Variants in ST8SIA6 observed in about 807,000 individuals in gnomAD.
The protein encoded by ST8SIA6 is ST8 alpha-N-acetyl-neuraminide alpha-2,8-sialyltransferase 6.
ST8SIA6 carries 39 observed loss-of-function variants against 33.6 expected under a neutral mutation model. The ratio of observed to expected loss-of-function variants is 1.16; its 90% CI spans 0.90 to 1.52. The LOEUF (loss-of-function observed/expected upper bound fraction) is 1.52, where lower values mean the gene tolerates loss of function less well. ST8SIA6 is among the 40% of genes most tolerant of loss of function. The probability of loss-of-function intolerance (pLI) is 0.00; values close to 1 mark genes in which losing one functional copy is unlikely to be tolerated. For synonymous variants in ST8SIA6, 172 were observed against 167.2 expected (o/e 1.03, Z -0.22); for missense variants, 441 against 443.8 (o/e 0.99, Z 0.06).
At chr10:17,386,357 G>T (rs181446679) in intron 3 of ST8SIA6, among the ~76,000 whole-genome samples, 1 of 151,846 alleles carries the variant, frequency 6.6e-6, no homozygotes, top group Admixed American at 6.6e-5. Context: ...TGGCCAATAT[G>T]GTGAAACCCT....
intron 2 of ST8SIA6, among the ~76,000 whole-genome samples, chr10:17,440,794 G>C (rs12240312): frequency 0.096 from 14,673 of 152,160 alleles, 1,649 homozygotes; most frequent in African/African-American, 0.27. Context: ...TGCTACAAAA[G>C]TCATTATAAA....
chr10:17,453,505 T>C, intron 2 of ST8SIA6, 54 bp downstream of exon 2: 1 of 1,237,550 alleles, frequency 8.1e-7, no homozygotes, highest in Non-Finnish European at 1.0e-6. Flanking sequence ...CCGCGCCCCA[T>C]GCCCGGCTCG....
At chr10:17,363,974 G>T (rs1220850898) in intron 3 of ST8SIA6, among the ~76,000 whole-genome samples, 1 of 152,196 alleles carries the variant, frequency 6.6e-6, no homozygotes, top group Non-Finnish European at 1.5e-5. Context: ...GATCCAGAGA[G>T]GTTCTGGGTT....
intron 2 of ST8SIA6, among the ~76,000 whole-genome samples, chr10:17,394,395 T>C (rs555302252): frequency 6.6e-6 from 1 of 151,924 alleles, no homozygotes; most frequent in East Asian, 1.9e-4. Context: ...AAAGGAATTT[T>C]AGGAATTTAA....
chr10:17,427,103 G>GAAA (rs60070400), intron 2 of ST8SIA6, among the ~76,000 whole-genome samples: 2 of 133,604 alleles, frequency 1.5e-5, no homozygotes, highest in Admixed American at 7.6e-5. Context: ...GACTGTGTCT[G>GAAA]AAAAAAAAAA....
At position 17,319,272 on chromosome 10, in the gene ST8SIA6, T is replaced by C. The variant is rs1847867739; in HGVS notation, c.*1606A>G. Among the ~76,000 whole-genome samples, 1 of 152,100 alleles carries C rather than the reference T, an allele frequency of 6.6e-6. No homozygotes were observed. Among genetic ancestry groups the C allele is most frequent in the East Asian group, 1.9e-4 (1 of 5,202 alleles). On this transcript the variant is annotated 3_prime_UTR_variant, in exon 8 of 8. Transcript: ENST00000377602. ...TGCAAGTTTTTCACCAAGATCAAAATAAAAAGAAAAACTATGAACACTATT... is the reference window on the plus strand; with the variant it reads ...TGCAAGTTTTTCACCAAGATCAAAACAAAAAGAAAAACTATGAACACTATT...
intron 2 of ST8SIA6, among the ~76,000 whole-genome samples, chr10:17,412,261 A>C (rs1415538417): frequency 6.6e-6 from 1 of 151,686 alleles, no homozygotes; most frequent in African/African-American, 2.4e-5. Context: ...AGGCCCTCCA[A>C]CCTCCAGCCA....
chr10:17,321,511 A>G (rs1847948791), intron 7 of ST8SIA6, among the ~76,000 whole-genome samples, 165 bp from the exon 8 acceptor site: 1 of 152,204 alleles, frequency 6.6e-6, no homozygotes, highest in African/African-American at 2.4e-5. Flanking sequence ...TCAAGTAAGC[A>G]TAATGTCAAT....
chr10:17,359,196 T>C (rs1849301749), intron 4 of ST8SIA6, among the ~76,000 whole-genome samples: 2 of 152,210 alleles, frequency 1.3e-5, no homozygotes, highest in African/African-American at 2.4e-5. Context: ...ACATTTTATT[T>C]ACTAAACAAA....
rs115777459 is a variant in ST8SIA6, at chr10:17,447,988, C to T, written c.200+5571G>A. Among the ~76,000 whole-genome samples, 703 of 152,076 alleles carry T rather than the reference C, an allele frequency of 4.6e-3. 3 individuals carry two copies. Among genetic ancestry groups the T allele is most frequent in the African/African-American group, 0.016 (668 of 41,476 alleles). On this transcript the variant is annotated intron_variant, in intron 2 of 7. Transcript: ENST00000377602. Reference sequence around the variant, plus strand: ...CTAATTTTTGTATTTTTAGTAGAGACAAGAGTTTGACCATGTTGGCTGGGC... The same window carrying T: ...CTAATTTTTGTATTTTTAGTAGAGATAAGAGTTTGACCATGTTGGCTGGGC...
intron 2 of ST8SIA6, among the ~76,000 whole-genome samples, chr10:17,450,374 T>C (rs1007901250): frequency 6.6e-6 from 1 of 152,180 alleles, no homozygotes; most frequent in African/African-American, 2.4e-5. Context: ...GATACCATAA[T>C]CATGAGTTTC....
intron 2 of ST8SIA6, chr10:17,410,354 AATG>A (rs1367295073): frequency 6.6e-6 from 1 of 152,262 alleles, no homozygotes; most frequent in African/African-American, 2.4e-5. Context: ...GTCAAAAAAT[AATG>A]ATGATTTTCA....
At chr10:17,367,381 A>G (rs1849588722) in intron 3 of ST8SIA6, among the ~76,000 whole-genome samples, 1 of 152,086 alleles carries the variant, frequency 6.6e-6, no homozygotes, top group South Asian at 2.1e-4. Flanking sequence ...CTGTCATGAG[A>G]ACAGCACGAG....
chr10:17,384,549 C>A (rs1374454085), intron 3 of ST8SIA6, among the ~76,000 whole-genome samples: 1 of 152,068 alleles, frequency 6.6e-6, no homozygotes, highest in Non-Finnish European at 1.5e-5. Flanking sequence ...TCTAGTCTTG[C>A]CTAATGTTTT....
At chr10:17,427,786 T>C (rs1851984179) in intron 2 of ST8SIA6, among the ~76,000 whole-genome samples, 1 of 152,226 alleles carries the variant, frequency 6.6e-6, no homozygotes, top group Admixed American at 6.5e-5. Context: ...ACAGAGGCAA[T>C]CATTGGACAC....
In ST8SIA6 at chr10:17,359,602, TA is replaced by T. The variant is rs1250050580; in HGVS notation, c.291-3del. 3 of 1,579,400 alleles carry T rather than the reference TA, an allele frequency of 1.9e-6. No homozygotes were observed. The highest frequency in any genetic ancestry group is 1.7e-4 in the Middle Eastern group (1 of 5,956). ...TGAAGGTAGTCGTTCTCTGAATACC[TA>T]AAAATTAAATGTCAATATAATTAGA... On this transcript the variant is annotated splice_region_variant and splice_polypyrimidine_tract_variant and intron_variant, in intron 3 of 7. Coordinates refer to ENST00000377602, the MANE Select transcript of ST8SIA6 (RefSeq NM_001004470.3).
At chr10:17,391,445 G>T (rs77092723) in intron 2 of ST8SIA6, among the ~76,000 whole-genome samples, 2 of 151,598 alleles carry the variant, frequency 1.3e-5, no homozygotes, top group African/African-American at 4.8e-5. Context: ...TATTTTTTTA[G>T]TAGAGACGGG....
chr10:17,400,167 T>C (rs12267354), intron 2 of ST8SIA6, among the ~76,000 whole-genome samples: 64,790 of 151,920 alleles, frequency 0.43, 14,515 homozygotes, highest in East Asian at 0.61. Flanking sequence ...AGAATTATTT[T>C]GCATTGCTAT....
chr10:17,345,449 C>G (rs959247616), intron 4 of ST8SIA6, among the ~76,000 whole-genome samples: 1 of 152,128 alleles, frequency 6.6e-6, no homozygotes, highest in Non-Finnish European at 1.5e-5. Flanking sequence ...ACTCAGCTCC[C>G]CAGAAGACAC....
Sources: gnomAD v4.1 joint callset for allele counts (sites outside exome capture counted in the v4.1 genomes callset) on GRCh38, gnomAD v4.1.1 for gene constraint, MANE v1.5 for transcripts, NCBI Gene and HGNC (gene_info 2026-07-23, HGNC 2026-07-21) for gene names.